The following ST13 variants were observed in gnomAD, a reference collection of about 807,000 sequenced individuals.
ST13 encodes ST13 Hsp70 interacting protein.
In ST13, 23 loss-of-function variants were observed where a neutral mutation model predicts 56.7. The observed-to-expected ratio is 0.41, with a 90% CI of 0.29 to 0.57. The LOEUF is 0.57. ST13 is among the 20% of genes least tolerant of loss of function. ST13 has a pLI of 0.36. For missense variants in ST13, 369 were observed against 459.9 expected (o/e 0.80, Z 1.81); for synonymous variants, 132 against 142.4 (o/e 0.93, Z 0.52).
intron 4 of ST13, among the ~76,000 whole-genome samples, chr22:40,841,160 T>C (rs529960778): frequency 1.4e-5 from 2 of 144,820 alleles, no homozygotes; most frequent in Admixed American, 7.1e-5. Context: ...CAAAAACATG[T>C]GCATCTGGGC....
intron 4 of ST13, among the ~76,000 whole-genome samples, chr22:40,844,253 A>C (rs1324551563): frequency 1.3e-5 from 2 of 152,210 alleles, no homozygotes; most frequent in African/African-American, 2.4e-5. Context: ...GAAATCTGAT[A>C]ATATCAAGTT....
intron 1 of ST13, chr22:40,854,465 G>A (rs1011319564): frequency 1.3e-5 from 2 of 152,312 alleles, no homozygotes; most frequent in African/African-American, 4.8e-5. Flanking sequence ...AATTACCTAT[G>A]TTAAAATAAG....
At chr22:40,839,453 C>T (rs1054629328) in intron 5 of ST13, among the ~76,000 whole-genome samples, 23 of 152,078 alleles carry the variant, frequency 1.5e-4, no homozygotes, top group African/African-American at 4.3e-4. Flanking sequence ...AAATTATAAC[C>T]GATCAAACAT....
In ST13 at chr22:40,856,519, C is replaced by T. The variant is rs200761410; in HGVS notation, c.22G>A (p.Glu8Lys). 3.3e-5 allele frequency: 54 copies of T among 1,612,740 alleles called. No individual in the cohort carries two copies. The highest frequency in any genetic ancestry group is 4.6e-5 in the Non-Finnish European group (54 of 1,179,728). Reference sequence around the variant, plus strand: ...CACATTTTCACAAAGGCCCGAAGCTCGTTCACTTTGCGGGGGTCCATGGTA... The same window carrying T: ...CACATTTTCACAAAGGCCCGAAGCTTGTTCACTTTGCGGGGGTCCATGGTA... MDPRKVNELRAFVKMCKQ... is the reference protein window; with the variant it reads MDPRKVNKLRAFVKMCKQ... The change falls in exon 1 of 12, where the codon GAG (glutamate) becomes AAG (lysine). Residue 8 changes from glutamate (E) to lysine (K), a missense_variant. Physicochemically the swap from Glu to Lys is moderately conservative, Grantham distance 56. This residue lies in a region of ST13 where 169 missense variants were observed against 175.6 expected (regional missense o/e 0.96). Coordinates refer to ENST00000216218, the MANE Select transcript of ST13 (RefSeq NM_003932.5).
At chr22:40,847,976 G>A (rs1373411738) in intron 3 of ST13, among the ~76,000 whole-genome samples, 4 of 152,072 alleles carry the variant, frequency 2.6e-5, no homozygotes, top group African/African-American at 9.7e-5. Context: ...AAACCTGGGA[G>A]GTGGAGGTTG....
chr22:40,853,799 C>G (rs2057874110), intron 1 of ST13, among the ~76,000 whole-genome samples: 1 of 152,204 alleles, frequency 6.6e-6, no homozygotes, highest in Admixed American at 6.5e-5. Flanking sequence ...AACAAAGACA[C>G]TCTCTTCGAT....
chr22:40,836,022 A>G, intron 5 of ST13, 135 bp from the exon 6 acceptor site: 1 of 691,040 alleles, frequency 1.4e-6, no homozygotes, highest in Non-Finnish European at 2.3e-6. Context: ...ACTAAGTTAT[A>G]CTAAAACTGG....
Position 40,835,802 on chromosome 22 carries a change from C to A in ST13, c.467+1G>T. On this transcript the variant is annotated splice_donor_variant, in intron 6 of 11. Transcript: ENST00000216218. LOFTEE classifies it high-confidence loss of function. ...GATGCTTTTCTGTTTAGAGTTCTCA[C>A]CTGGCCCTCTTGGCATACAAAATGG... 6.2e-7 allele frequency: 1 copy of A among 1,613,528 alleles called. No individual in the cohort carries two copies. Among genetic ancestry groups the A allele is most frequent in the Non-Finnish European group, 8.5e-7 (1 of 1,179,508 alleles).
chr22:40,834,706 A>C (rs2057769468), intron 7 of ST13, among the ~76,000 whole-genome samples: 1 of 152,248 alleles, frequency 6.6e-6, no homozygotes, highest in Non-Finnish European at 1.5e-5. Context: ...CAAGCAAAGC[A>C]CAAGATGAGC....
chr22:40,844,709 C>T (rs1601469536), intron 4 of ST13, 130 bp downstream of exon 4: 3 of 691,566 alleles, frequency 4.3e-6, no homozygotes, highest in East Asian at 5.5e-5. Flanking sequence ...CAATGCTTGC[C>T]TAAAACGCCT....
intron 1 of ST13, among the ~76,000 whole-genome samples, chr22:40,854,039 A>G (rs768717122): frequency 1.3e-5 from 2 of 152,272 alleles, no homozygotes; most frequent in Admixed American, 6.5e-5. Flanking sequence ...ATAAATCCTT[A>G]TATCAAATAA....
chr22:40,840,268 T>G (rs571738428), intron 5 of ST13, among the ~76,000 whole-genome samples: 1 of 152,152 alleles, frequency 6.6e-6, no homozygotes, highest in South Asian at 2.1e-4. Flanking sequence ...AAGATTGGTA[T>G]GCCTATGAAC....
intron 4 of ST13, 97 bp from the exon 5 acceptor site, chr22:40,840,789 T>C (rs1165802319): frequency 2.3e-6 from 2 of 888,186 alleles, no homozygotes; most frequent in East Asian, 5.1e-5. Flanking sequence ...ACAATACCCA[T>C]TTTCATTCAT....
chr22:40,840,492 G>T, intron 5 of ST13, 134 bp downstream of exon 5: 1 of 687,194 alleles, frequency 1.5e-6, no homozygotes, highest in Non-Finnish European at 2.5e-6. Context: ...TGAGGAAGGG[G>T]TGACTGGATA....
chr22:40,848,920 A>T (rs989475559), intron 2 of ST13, among the ~76,000 whole-genome samples: 1 of 152,220 alleles, frequency 6.6e-6, no homozygotes, highest in Non-Finnish European at 1.5e-5. Context: ...TTACAATAAT[A>T]AACAATGAAA....
chr22:40,836,279 T>C (rs888346843), intron 5 of ST13, among the ~76,000 whole-genome samples: 2 of 152,076 alleles, frequency 1.3e-5, no homozygotes, highest in African/African-American at 4.8e-5. Context: ...TGAAACTCCA[T>C]CTCTACTAAA....
In ST13 at chr22:40,824,838, T is replaced by C. The variant is rs1170798179; in HGVS notation, c.*1700A>G. ...TAAAAAGCATGCTCCATCAGCATAA[T>C]AGCTTTTTCTCATTTATGTAACAGA... On this transcript the variant is annotated 3_prime_UTR_variant, in exon 12 of 12. Coordinates refer to ENST00000216218, the MANE Select transcript of ST13 (RefSeq NM_003932.5). 2 of 152,210 alleles carry C rather than the reference T, an allele frequency of 1.3e-5. No individual in the cohort carries two copies. Among genetic ancestry groups the C allele is most frequent in the Non-Finnish European group, 2.9e-5 (2 of 68,042 alleles). The allele number at this position is 152,210 out of a possible 1,614,324, so 9.4% of individuals were successfully genotyped here. A position where few individuals can be genotyped will look rare whatever the true frequency, so the allele number is the denominator to read the frequency against.
At chr22:40,847,844 C>T (rs1046383956) in intron 3 of ST13, among the ~76,000 whole-genome samples, 1 of 151,956 alleles carries the variant, frequency 6.6e-6, no homozygotes, top group South Asian at 2.1e-4. Context: ...GTCAGGAGTT[C>T]GAGGCCAGCC....
intron 8 of ST13, 97 bp from the exon 9 acceptor site, chr22:40,831,053 G>C: frequency 1.2e-6 from 1 of 802,928 alleles, no homozygotes; most frequent in Non-Finnish European, 2.0e-6. Context: ...TCAACATGCA[G>C]TTCAGAAAAA....
Sources: gnomAD v4.1 joint callset for allele counts (sites outside exome capture counted in the v4.1 genomes callset) on GRCh38, gnomAD v4.1.1 for gene constraint, gnomAD v4.1.1 regional missense constraint, MANE v1.5 for transcripts, NCBI Gene and HGNC (gene_info 2026-07-23, HGNC 2026-07-21) for gene names.